The following GPHN variants were observed in gnomAD, a reference collection of about 807,000 sequenced individuals.
GPHN encodes gephyrin.
A neutral mutation model predicts 95.5 loss-of-function variants in GPHN; 17 were observed. The observed-to-expected ratio is 0.18, with a 90% CI of 0.12 to 0.27. GPHN has a LOEUF of 0.27. GPHN is among the 10% of genes least tolerant of loss of function. GPHN has a pLI of 1.00. For synonymous variants in GPHN, 320 were observed against 322.5 expected, an observed-to-expected ratio of 0.99 and a Z score of 0.08; for missense variants, 660 against 978.1, an observed-to-expected ratio of 0.67 and a Z score of 4.34.
intron 6 of GPHN, 121 bp downstream of exon 6, chr14:66,916,190 G>A: frequency 1.4e-6 from 1 of 714,630 alleles, no homozygotes; most frequent in Non-Finnish European, 2.6e-6. Context: ...CCAATTGCAG[G>A]ATTCCCAAAG....
At chr14:66,729,026 G>A (rs1244238372) in intron 2 of GPHN, among the ~76,000 whole-genome samples, 1 of 152,158 alleles carries the variant, frequency 6.6e-6, no homozygotes, top group Non-Finnish European at 1.5e-5. Context: ...TCTTGTGATA[G>A]TGAATAAGTC....
At chr14:66,560,317 A>G (rs1264474606) in intron 1 of GPHN, among the ~76,000 whole-genome samples, 2 of 152,164 alleles carry the variant, frequency 1.3e-5, no homozygotes, top group Admixed American at 1.3e-4. Context: ...TTGAATCTGT[A>G]AATTACCTTG....
chr14:66,853,964 A>G (rs759580468), intron 4 of GPHN, among the ~76,000 whole-genome samples: 2 of 152,184 alleles, frequency 1.3e-5, no homozygotes, highest in East Asian at 1.9e-4. Context: ...ATTCCTTATC[A>G]TATCATTTTA....
chr14:67,604,911 T>C, the GPHN span, among the ~76,000 whole-genome samples: 284 of 152,270 alleles, frequency 1.9e-3, 1 homozygote, highest in Non-Finnish European at 1.8e-3. Context: ...TGTAAATAGG[T>C]GACCACAAAT....
At chr14:67,200,191 C>T in the GPHN span, 1 of 1,140,306 alleles carries the variant, frequency 8.8e-7, no homozygotes, top group Non-Finnish European at 1.2e-6. Flanking sequence ...TGGACTTCCT[C>T]CACTGATGCC....
At chr14:66,675,305 C>T (rs774264072) in intron 1 of GPHN, among the ~76,000 whole-genome samples, 4 of 151,892 alleles carry the variant, frequency 2.6e-5, no homozygotes, top group South Asian at 2.1e-4. Flanking sequence ...CCACCACGCC[C>T]GGCTAATTTT....
intron 2 of GPHN, among the ~76,000 whole-genome samples, chr14:66,705,268 T>C (rs1323569797): frequency 2.1e-4 from 32 of 152,302 alleles, no homozygotes; most frequent in South Asian, 6.2e-4. Flanking sequence ...CCTTCTGAAA[T>C]TATTCCAAAC....
intron 5 of GPHN, among the ~76,000 whole-genome samples, chr14:66,894,540 A>G (rs561962427): frequency 1.9e-4 from 29 of 152,348 alleles, no homozygotes; most frequent in African/African-American, 6.3e-4. Context: ...GAGCTTCTGC[A>G]AAGCAAAAGA....
chr14:67,469,168 G>C, the GPHN span, among the ~76,000 whole-genome samples: 3 of 152,200 alleles, frequency 2.0e-5, no homozygotes, highest in East Asian at 5.8e-4. Context: ...TCAAGTGAGG[G>C]AGGCAGAGGG....
At chr14:67,600,371 TGC>T in the GPHN span, 1 of 571,448 alleles carries the variant, frequency 1.7e-6, no homozygotes, top group South Asian at 2.4e-5. Flanking sequence ...CTGATGGTTG[TGC>T]GTTCTTCCGG....
intron 2 of GPHN, among the ~76,000 whole-genome samples, chr14:66,707,083 T>A (rs2069147795): frequency 6.7e-6 from 1 of 150,214 alleles, no homozygotes; most frequent in Non-Finnish European, 1.5e-5. Context: ...CACTGATCAT[T>A]AGAGAAATGC....
the GPHN span, among the ~76,000 whole-genome samples, chr14:67,695,418 C>T: frequency 3.6e-3 from 542 of 152,298 alleles, 6 homozygotes; most frequent in East Asian, 0.026. Context: ...CAGTGTGCCC[C>T]GGACTGCCGC....
At chr14:67,134,718 C>CT (rs951970851) in intron 17 of GPHN, among the ~76,000 whole-genome samples, 2 of 151,556 alleles carry the variant, frequency 1.3e-5, no homozygotes, top group South Asian at 2.1e-4. Flanking sequence ...TCTCTTTATT[C>CT]TTTTTTTTAA....
chr14:67,135,366 C>G (rs1354520990), intron 17 of GPHN, among the ~76,000 whole-genome samples: 2 of 152,098 alleles, frequency 1.3e-5, no homozygotes, highest in African/African-American at 4.8e-5. Context: ...ATCATTTTTT[C>G]ATTTACAGTC....
chr14:66,895,373 G>A (rs1353395885), intron 5 of GPHN, among the ~76,000 whole-genome samples: 2 of 152,148 alleles, frequency 1.3e-5, no homozygotes, highest in Non-Finnish European at 2.9e-5. Flanking sequence ...TGCGGGGAGC[G>A]GGGAGGGAAA....
chr14:67,183,428 T>C (rs181441722), downstream of GPHN, among the ~76,000 whole-genome samples: 947 of 152,338 alleles, frequency 6.2e-3, 10 homozygotes, highest in Non-Finnish European at 7.7e-3. Context: ...GCATTGTTTT[T>C]CCTGTATTAT....
chr14:66,537,322 A>G (rs929289793), intron 1 of GPHN, among the ~76,000 whole-genome samples: 1 of 151,632 alleles, frequency 6.6e-6, no homozygotes, highest in African/African-American at 2.4e-5. Flanking sequence ...GGGTGTTTAA[A>G]TTTCTTTCCT....
At chr14:66,558,616 T>C (rs1315349361) in intron 1 of GPHN, among the ~76,000 whole-genome samples, 2 of 152,176 alleles carry the variant, frequency 1.3e-5, no homozygotes, top group Non-Finnish European at 2.9e-5. Context: ...TTTTAAGTCA[T>C]TCTTACTTTA....
the GPHN span, chr14:67,573,928 G>A: frequency 4.1e-6 from 6 of 1,463,490 alleles, no homozygotes; most frequent in African/African-American, 4.2e-5. This position sits in a 1 kb window ranked among gnomAD's most constrained non-coding sequence, Gnocchi z 4.8. Context: ...AACAGAAGAG[G>A]TGCTGGGTTT....
Sources: gnomAD v4.1 joint callset for allele counts (sites outside exome capture counted in the v4.1 genomes callset) on GRCh38, gnomAD v4.1.1 for gene constraint, Gnocchi (gnomAD v3.1) non-coding constraint, MANE v1.5 for transcripts, NCBI Gene and HGNC (gene_info 2026-07-23, HGNC 2026-07-21) for gene names.